The following CFAP418 variants were observed in gnomAD, a reference collection of about 807,000 sequenced individuals.
CFAP418 encodes the protein cilia- and flagella-associated protein 418.
In CFAP418, 27 loss-of-function variants were observed where a neutral mutation model predicts 24.7. The ratio of observed to expected loss-of-function variants is 1.09; its 90% CI spans 0.81 to 1.51. The LOEUF (loss-of-function observed/expected upper bound fraction) is 1.51, where lower values mean the gene tolerates loss of function less well. Among genes scored for constraint, CFAP418 ranks in the 40% most tolerant of loss-of-function variants. The pLI, the probability that CFAP418 is intolerant of heterozygous loss-of-function variation, is 0.00. For missense variants in CFAP418, 257 were observed against 255.2 expected (o/e 1.01, Z -0.05); for synonymous variants, 74 against 87.3 (o/e 0.85, Z 0.85).
chr8:95,252,976 CA>C (rs1220715907), intron 4 of CFAP418, among the ~76,000 whole-genome samples: 2 of 152,140 alleles, frequency 1.3e-5, no homozygotes, highest in Non-Finnish European at 2.9e-5. Flanking sequence ...ACGACCCCCA[CA>C]AAAAATTCCT....
intron 2 of CFAP418, among the ~76,000 whole-genome samples, chr8:95,262,274 A>T (rs914843638): frequency 2.6e-5 from 4 of 152,184 alleles, no homozygotes; most frequent in African/African-American, 9.7e-5. Context: ...TTGTGTTTAC[A>T]TATTATTCAA....
chr8:95,252,014 G>GTA (rs139829514), intron 5 of CFAP418, among the ~76,000 whole-genome samples, 174 bp downstream of exon 5: 1,863 of 137,734 alleles, frequency 0.014, 38 homozygotes, highest in Admixed American at 0.034. Context: ...GAACCACCAT[G>GTA]TATATATATA....
At chr8:95,264,276 T>C (rs1328350077) in intron 1 of CFAP418, among the ~76,000 whole-genome samples, 1 of 152,168 alleles carries the variant, frequency 6.6e-6, no homozygotes, top group African/African-American at 2.4e-5. Flanking sequence ...ACAGAATATC[T>C]CAACTACTCA....
At chr8:95,252,565 C>T (rs898094675) in intron 4 of CFAP418, among the ~76,000 whole-genome samples, 1 of 152,176 alleles carries the variant, frequency 6.6e-6, no homozygotes, top group Non-Finnish European at 1.5e-5. Context: ...ATTTGTAGAT[C>T]TTTTAATTCC....
chr8:95,269,085 GC>G lies in CFAP418; in HGVS notation c.104del (p.Gly35AlafsTer49), dbSNP rs1402571742. 1.9e-6 allele frequency: 3 copies of G among 1,614,066 alleles called. No homozygotes were observed. Among genetic ancestry groups the G allele is most frequent in the Non-Finnish European group, 2.5e-6 (3 of 1,180,018 alleles). On this transcript the variant is annotated frameshift_variant, in exon 1 of 6. Coordinates refer to ENST00000286688, the MANE Select transcript of CFAP418 (RefSeq NM_177965.4). LOFTEE classifies it high-confidence loss of function. ...GMVEQPKGCG[G>X]GTHSSDRNQA... Reference sequence around the variant, plus strand: ...GGTTCCGGTCGCTACTGTGGGTGCCGCCGCCGCAGCCTTTGGGCTGCTCGAC... The same window carrying G: ...GGTTCCGGTCGCTACTGTGGGTGCCGCGCCGCAGCCTTTGGGCTGCTCGAC...
At position 95,260,502 on chromosome 8, in the gene CFAP418, A is replaced by T; in HGVS notation, c.274T>A (p.Ser92Thr). The T allele has an allele frequency of 1.3e-6, 2 of 1,588,212 alleles. No individual in the cohort carries two copies. Among genetic ancestry groups the T allele is most frequent in the Non-Finnish European group, 1.7e-6 (2 of 1,172,114 alleles). ...AGGCCTTCAATGGAAGCTCTGACAG[A>T]TGTGTTACCTGAAGATTTAGATTTT... The part of the protein sequence containing the change: ...KLKSKSSGNT[S>T]VRASIEGLGK... Residue 92 changes from serine to threonine, a missense_variant, in exon 3 of 6, where the codon TCT (serine) becomes ACT (threonine). By Grantham distance (58) the Ser-to-Thr change is moderately conservative. Coordinates refer to ENST00000286688, the MANE Select transcript of CFAP418 (RefSeq NM_177965.4).
chr8:95,246,630 A>C lies in CFAP418; in HGVS notation c.*987T>G, dbSNP rs1413332999. ...GGAGCTAGAAATTTTGAGGGACCTG[A>C]TTTCCTGAATGTGCTGCTATTGTAG... On this transcript the variant is annotated 3_prime_UTR_variant, in exon 6 of 6. Coordinates refer to ENST00000286688, the MANE Select transcript of CFAP418 (RefSeq NM_177965.4). 1 of 151,122 alleles carries C rather than the reference A, an allele frequency of 6.6e-6. No individual in the cohort carries two copies. The highest frequency in any genetic ancestry group is 1.9e-4 in the East Asian group (1 of 5,186). 9.4% of individuals were successfully genotyped at this position (151,122 alleles called of 1,614,324 possible).
Position 95,247,436 on chromosome 8 carries a change from G to T in CFAP418, c.*181C>A. The T allele has an allele frequency of 1.6e-6, 1 of 629,262 alleles. No individual in the cohort carries two copies. The highest frequency in any genetic ancestry group is 2.7e-6 in the Non-Finnish European group (1 of 367,022). 39.0% of individuals were successfully genotyped at this position (629,262 alleles called of 1,614,324 possible). The stretch of plus-strand genomic sequence containing the variant: ...CATGTATCAGGAATAATTCCAAAGT[G>T]TTATAATACATGATCTTCCTTAGTC... On this transcript the variant is annotated 3_prime_UTR_variant, in exon 6 of 6. Transcript: ENST00000286688.
At chr8:95,258,381 CAAA>C (rs61473559) in intron 4 of CFAP418, among the ~76,000 whole-genome samples, 1 of 49,660 alleles carries the variant, frequency 2.0e-5, no homozygotes, top group Non-Finnish European at 4.0e-5. Flanking sequence ...GACTCTGTCT[CAAA>C]AAAAAAAAAA....
intron 1 of CFAP418, 189 bp downstream of exon 1, chr8:95,268,846 T>G (rs1042741646): frequency 1.8e-5 from 11 of 609,614 alleles, no homozygotes; most frequent in Non-Finnish European, 2.6e-5. Flanking sequence ...AGTGAAGAGG[T>G]GCCAGAATCC....
In CFAP418 at chr8:95,269,023, C is replaced by G. The variant is rs371521751; in HGVS notation, c.155+12G>C. The G allele has an allele frequency of 2.5e-6, 4 of 1,613,266 alleles. No individual in the cohort carries two copies. The highest frequency in any genetic ancestry group is 3.4e-6 in the Non-Finnish European group (4 of 1,179,488). ...CTTTACCAGAACAGTCCACCCCTCC[C>G]GCCCGGTTAACCTGAGCGTCTCTTT... On this transcript the variant is annotated intron_variant, in intron 1 of 5. Coordinates refer to ENST00000286688, the MANE Select transcript of CFAP418 (RefSeq NM_177965.4).
intron 1 of CFAP418, among the ~76,000 whole-genome samples, chr8:95,267,278 C>T (rs555839767): frequency 1.2e-4 from 19 of 152,238 alleles, no homozygotes; most frequent in Non-Finnish European, 1.2e-4. Flanking sequence ...TTTTTCGATG[C>T]TTTTATCTTC....
intron 4 of CFAP418, among the ~76,000 whole-genome samples, chr8:95,252,605 C>T (rs555826542): frequency 7.9e-5 from 12 of 152,258 alleles, no homozygotes; most frequent in Non-Finnish European, 1.0e-4. Flanking sequence ...TGAGGGAGAT[C>T]GTCATATAAG....
chr8:95,261,956 C>T (rs1811900143), intron 2 of CFAP418, among the ~76,000 whole-genome samples: 1 of 152,196 alleles, frequency 6.6e-6, no homozygotes, highest in African/African-American at 2.4e-5. Context: ...ATTGGCATTA[C>T]TATTCAGTGC....
At position 95,246,154 on chromosome 8, in the gene CFAP418, A is replaced by G. The variant is rs1326726617; in HGVS notation, c.*1463T>C. 6.6e-6 allele frequency: 1 copy of G among 152,030 alleles called. No homozygotes were observed. Among genetic ancestry groups the G allele is most frequent in the Non-Finnish European group, 1.5e-5 (1 of 67,998 alleles). 9.4% of individuals were successfully genotyped at this position (152,030 alleles called of 1,614,324 possible). On this transcript the variant is annotated 3_prime_UTR_variant, in exon 6 of 6. Coordinates refer to ENST00000286688, the MANE Select transcript of CFAP418 (RefSeq NM_177965.4). ...CAGGCATGCACCACCGCGCCCAGCT[A>G]ATTTTTGTATTTTTAGTAGAGATGG... is the stretch of plus-strand genomic sequence containing the variant.
chr8:95,246,317 G>A lies in CFAP418; in HGVS notation c.*1300C>T, dbSNP rs909253969. 1.3e-5 allele frequency: 2 copies of A among 152,176 alleles called. No homozygotes were observed. The highest frequency in any genetic ancestry group is 1.3e-4 in the Admixed American group (2 of 15,284). 9.4% of individuals were successfully genotyped at this position (152,176 alleles called of 1,614,324 possible). A position where few individuals can be genotyped will look rare whatever the true frequency, so the allele number is the denominator to read the frequency against. On this transcript the variant is annotated 3_prime_UTR_variant, in exon 6 of 6. Coordinates refer to ENST00000286688, the MANE Select transcript of CFAP418 (RefSeq NM_177965.4). ...CATAATATCCTTAATACAAAAGTGTGAGGATTGGCCATTATAAGATCTATT... is the reference window on the plus strand; with the variant it reads ...CATAATATCCTTAATACAAAAGTGTAAGGATTGGCCATTATAAGATCTATT...
rs1811623210 is a variant in CFAP418, at chr8:95,246,503, CCT to C, written c.*1112_*1113del. The C allele has an allele frequency of 6.6e-6, 1 of 152,056 alleles. No individual in the cohort carries two copies. Among genetic ancestry groups the C allele is most frequent in the Non-Finnish European group, 1.5e-5 (1 of 68,026 alleles). 9.4% of individuals were successfully genotyped at this position (152,056 alleles called of 1,614,324 possible). On this transcript the variant is annotated 3_prime_UTR_variant, in exon 6 of 6. Coordinates refer to ENST00000286688, the MANE Select transcript of CFAP418 (RefSeq NM_177965.4). ...GATTATAACTTTGTTTCAATTATTC[CCT>C]TTCAGGGTGCTCTGTATCACACATT... is the stretch of plus-strand genomic sequence containing the variant.
In CFAP418 at chr8:95,245,946, A is replaced by G. The variant is rs1811613516; in HGVS notation, c.*1671T>C. On this transcript the variant is annotated 3_prime_UTR_variant, in exon 6 of 6. Transcript: ENST00000286688. Reference sequence around the variant, plus strand: ...CTCAATTACATATAGATATAACTTTAGGGATATAATACATTTTTATTAAAA... The same window carrying G: ...CTCAATTACATATAGATATAACTTTGGGGATATAATACATTTTTATTAAAA... 6.6e-6 allele frequency: 1 copy of G among 151,924 alleles called. No homozygotes were observed. Among genetic ancestry groups the G allele is most frequent in the Admixed American group, 6.6e-5 (1 of 15,262 alleles). The allele number at this position is 151,924 out of a possible 1,614,324, so 9.4% of individuals were successfully genotyped here. A position where few individuals can be genotyped will look rare whatever the true frequency, so the allele number is the denominator to read the frequency against.
At chr8:95,247,980 C>T (rs749712849) in intron 5 of CFAP418, among the ~76,000 whole-genome samples, 2 of 152,098 alleles carry the variant, frequency 1.3e-5, no homozygotes, top group Non-Finnish European at 2.9e-5. Flanking sequence ...TAGCTGAGAC[C>T]ACAGGCATGT....
Sources: allele counts gnomAD v4.1 joint callset (sites outside exome capture counted in the v4.1 genomes callset), GRCh38; gene constraint gnomAD v4.1.1; transcripts MANE v1.5; gene names NCBI Gene and HGNC (gene_info 2026-07-23, HGNC 2026-07-21).